TRIO: variants seen among roughly 807,000 people sequenced by gnomAD.
The protein encoded by TRIO is triple functional domain protein.
Under a neutral mutation model 351.9 loss-of-function variants are expected in TRIO, and 58 were observed. The ratio of observed to expected loss-of-function variants is 0.16; its 90% CI spans 0.13 to 0.21. TRIO has a LOEUF of 0.21. Among genes scored for constraint, TRIO ranks in the 10% least tolerant of loss-of-function variants. The pLI, the probability that TRIO is intolerant of heterozygous loss-of-function variation, is 1.00. For missense variants in TRIO, 3,201 were observed against 4,027.8 expected (o/e 0.79, Z 5.56); for synonymous variants, 1,758 against 1,595.7 (o/e 1.10, Z -2.42).
Position 14,509,576 on chromosome 5 carries a change from TC to T in TRIO, c.*1157del. On this transcript the variant is annotated 3_prime_UTR_variant, in exon 57 of 57. Transcript: ENST00000344204. ...CAGAATGCCAAAGTATTATTTTTTT[TC>T]CCAAAATCAGTCTGGACATTTACTA... 3.3e-6 allele frequency: 1 copy of T among 304,322 alleles called. No individual in the cohort carries two copies. Among genetic ancestry groups the T allele is most frequent in the South Asian group, 2.5e-5 (1 of 40,412 alleles). The allele number at this position is 304,322 out of a possible 1,614,324, so 18.9% of individuals were successfully genotyped here. A position where few individuals can be genotyped will look rare whatever the true frequency, so the allele number is the denominator to read the frequency against.
chr5:14,307,119 G>C (rs1249739497), intron 8 of TRIO, among the ~76,000 whole-genome samples: 2 of 152,190 alleles, frequency 1.3e-5, no homozygotes, highest in East Asian at 3.8e-4. Context: ...CAGGGCTACA[G>C]GAAAGTGGTA....
At chr5:14,169,924 G>C (rs1352538291) in intron 1 of TRIO, among the ~76,000 whole-genome samples, 6 of 152,234 alleles carry the variant, frequency 3.9e-5, no homozygotes, top group Non-Finnish European at 8.8e-5. Flanking sequence ...CTAAAAACAA[G>C]TGGTAGCTAG....
chr5:14,448,754 T>G (rs1213102036), intron 34 of TRIO, among the ~76,000 whole-genome samples: 1 of 152,198 alleles, frequency 6.6e-6, no homozygotes. Context: ...ATATGGAATT[T>G]TTTTTTTTTA....
At chr5:14,193,564 A>C (rs1227872785) in intron 1 of TRIO, among the ~76,000 whole-genome samples, 1 of 152,182 alleles carries the variant, frequency 6.6e-6, no homozygotes, top group East Asian at 1.9e-4. Context: ...TCATTCCGTC[A>C]TCTCATTCTT....
intron 1 of TRIO, among the ~76,000 whole-genome samples, chr5:14,255,252 G>A (rs767172379): frequency 6.6e-6 from 1 of 152,204 alleles, no homozygotes; most frequent in African/African-American, 2.4e-5. Context: ...GGGAAAGTGC[G>A]TAAACGGTAA....
At chr5:14,175,002 ATG>A (rs2152130224) in intron 1 of TRIO, among the ~76,000 whole-genome samples, 1 of 152,206 alleles carries the variant, frequency 6.6e-6, no homozygotes, top group African/African-American at 2.4e-5. Context: ...TTTTCATTTA[ATG>A]TGTGGTAAAG....
chr5:14,259,790 T>G (rs1275957354), intron 1 of TRIO, among the ~76,000 whole-genome samples: 1 of 64,974 alleles, frequency 1.5e-5, no homozygotes, highest in African/African-American at 7.6e-5. Flanking sequence ...AGGTTTTTTG[T>G]TTTTTTTTTG....
At chr5:14,474,352 G>A (rs1413960034) in intron 40 of TRIO, among the ~76,000 whole-genome samples, 1 of 152,200 alleles carries the variant, frequency 6.6e-6, no homozygotes, top group Non-Finnish European at 1.5e-5. Context: ...AAGCACCAGC[G>A]TGGAGCCAGC....
At chr5:14,359,262 A>G (rs2152336647) in intron 12 of TRIO, 95 bp from the exon 13 acceptor site, 1 of 1,467,754 alleles carries the variant, frequency 6.8e-7, no homozygotes. Context: ...GCTTCCTGCC[A>G]GCTTTCTTCC....
chr5:14,472,476 A>G (rs1052211838), intron 38 of TRIO, 116 bp from the exon 39 acceptor site: 6 of 1,098,798 alleles, frequency 5.5e-6, no homozygotes, highest in South Asian at 1.5e-5. Flanking sequence ...CTAAATGTAC[A>G]AATTTGATAC....
intron 34 of TRIO, among the ~76,000 whole-genome samples, chr5:14,459,663 G>A (rs772377332): frequency 9.2e-5 from 14 of 152,164 alleles, no homozygotes; most frequent in Non-Finnish European, 1.6e-4. Context: ...TCTTGAACCC[G>A]GGAGGCAGAG....
intron 1 of TRIO, among the ~76,000 whole-genome samples, chr5:14,201,274 TAAATAAA>T (rs2152172981): frequency 6.6e-6 from 1 of 152,146 alleles, no homozygotes; most frequent in East Asian, 1.9e-4. Flanking sequence ...AAATAAAAAA[TAAATAAA>T]AAATAAAACG....
chr5:14,507,334 C>T (rs1757767382), intron 56 of TRIO, 74 bp downstream of exon 56: 19 of 1,579,586 alleles, frequency 1.2e-5, no homozygotes, highest in Non-Finnish European at 1.5e-5. Context: ...AGAGCCCCCT[C>T]TGAAGCCAGG....
At chr5:14,251,663 G>C (rs1197857067) in intron 1 of TRIO, among the ~76,000 whole-genome samples, 1 of 152,188 alleles carries the variant, frequency 6.6e-6, no homozygotes, top group Non-Finnish European at 1.5e-5. Flanking sequence ...AAGAGGTGGG[G>C]CGTCTTTTCG....
intron 1 of TRIO, among the ~76,000 whole-genome samples, chr5:14,178,931 G>C (rs1242973712): frequency 6.6e-6 from 1 of 152,164 alleles, no homozygotes; most frequent in Non-Finnish European, 1.5e-5. Flanking sequence ...TTGTGTGTGA[G>C]CTAAGTGTGA....
At chr5:14,492,406 A>ACCCTCTG in intron 48 of TRIO, 161 bp from the exon 49 acceptor site, 1 of 871,718 alleles carries the variant, frequency 1.1e-6, no homozygotes, top group South Asian at 1.8e-5. Context: ...GCACACAGTT[A>ACCCTCTG]GCCAGAGGGT....
At chr5:14,349,667 A>G (rs978143252) in intron 11 of TRIO, among the ~76,000 whole-genome samples, 1 of 152,220 alleles carries the variant, frequency 6.6e-6, no homozygotes, top group Non-Finnish European at 1.5e-5. Flanking sequence ...ATACGAGGTG[A>G]ACTTTTACCT....
At chr5:14,494,382 C>T (rs548041632) in intron 49 of TRIO, among the ~76,000 whole-genome samples, 15 of 152,312 alleles carry the variant, frequency 9.8e-5, no homozygotes, top group African/African-American at 3.4e-4. Context: ...CATGTATTTA[C>T]AACACGGTTT....
At chr5:14,247,993 G>T (rs983010117) in intron 1 of TRIO, among the ~76,000 whole-genome samples, 2 of 151,438 alleles carry the variant, frequency 1.3e-5, no homozygotes, top group Non-Finnish European at 2.9e-5. Context: ...TTGAACCTGG[G>T]AGGTGGAGGT....
Sources: gnomAD v4.1 joint callset for allele counts (sites outside exome capture counted in the v4.1 genomes callset) on GRCh38, gnomAD v4.1.1 for gene constraint, MANE v1.5 for transcripts, NCBI Gene and HGNC (gene_info 2026-07-23, HGNC 2026-07-21) for gene names.